NCALD: variants seen among roughly 807,000 people sequenced by gnomAD.
NCALD encodes the protein neurocalcin delta.
NCALD carries 10 observed loss-of-function variants against 18.6 expected under a neutral mutation model. That is an observed-to-expected ratio of 0.54 (90% confidence interval 0.33 to 0.91). The LOEUF (loss-of-function observed/expected upper bound fraction) is 0.91, where lower values mean the gene tolerates loss of function less well. Ranked by LOEUF, NCALD falls within the 40% of genes least tolerant of loss-of-function variation. The pLI is 0.03. For synonymous variants in NCALD, 88 were observed against 87.4 expected (o/e 1.01, Z -0.04); for missense variants, 184 against 247.6 (o/e 0.74, Z 1.72).
chr8:101,794,197 C>T (rs1812549908), upstream of NCALD, among the ~76,000 whole-genome samples: 2 of 152,204 alleles, frequency 1.3e-5, no homozygotes, highest in African/African-American at 4.8e-5. Context: ...TCTTCTTTAT[C>T]TGTCTGACTC....
At chr8:101,742,354 AG>A (rs1462120022) in intron 1 of NCALD, among the ~76,000 whole-genome samples, 4 of 151,756 alleles carry the variant, frequency 2.6e-5, no homozygotes, top group African/African-American at 9.7e-5. Context: ...TAAATTTGCT[AG>A]TTTTCTCTTT....
intron 2 of NCALD, among the ~76,000 whole-genome samples, chr8:101,704,824 G>A (rs891000229): frequency 4.6e-5 from 7 of 151,994 alleles, no homozygotes; most frequent in African/African-American, 1.7e-4. Flanking sequence ...GGAGGCTGAG[G>A]CAGAAGAATA....
chr8:101,932,890 T>C (rs921104340), intron 2 of NCALD, among the ~76,000 whole-genome samples: 2 of 152,246 alleles, frequency 1.3e-5, no homozygotes, highest in African/African-American at 4.8e-5. Flanking sequence ...TTCAGATAAA[T>C]GACTTTAAAG....
chr8:101,972,245 G>A (rs2063260080), intron 2 of NCALD, among the ~76,000 whole-genome samples: 1 of 152,198 alleles, frequency 6.6e-6, no homozygotes, highest in Non-Finnish European at 1.5e-5. Flanking sequence ...GCAGTGAGGA[G>A]ACAGGGCTTT....
intron 1 of NCALD, among the ~76,000 whole-genome samples, chr8:101,738,552 C>CAAAAA (rs34205453): frequency 2.8e-4 from 36 of 127,892 alleles, no homozygotes; most frequent in Non-Finnish European, 3.9e-4. Flanking sequence ...CTCAAAAAAA[C>CAAAAA]AAAAAAAAAA....
chr8:102,122,879 A>C (rs1825982381), intron 1 of NCALD, among the ~76,000 whole-genome samples: 1 of 152,226 alleles, frequency 6.6e-6, no homozygotes, highest in South Asian at 2.1e-4. Context: ...TGAATGGTTG[A>C]GACAGGGGAG....
At chr8:101,927,495 G>A (rs899786904) in intron 2 of NCALD, among the ~76,000 whole-genome samples, 5 of 152,216 alleles carry the variant, frequency 3.3e-5, no homozygotes, top group East Asian at 3.8e-4. Context: ...CAGGAGTGAA[G>A]GGTAAGGAGG....
At chr8:102,118,999 G>A (rs570357952) in intron 1 of NCALD, among the ~76,000 whole-genome samples, 21 of 152,300 alleles carry the variant, frequency 1.4e-4, no homozygotes, top group African/African-American at 3.1e-4. Flanking sequence ...TGGTACCACC[G>A]TGGAAAACAG....
intron 1 of NCALD, among the ~76,000 whole-genome samples, chr8:102,084,533 G>A (rs1824669442): frequency 2.6e-5 from 4 of 152,180 alleles, no homozygotes; most frequent in Admixed American, 2.6e-4. Flanking sequence ...CAGGGTTTAT[G>A]CCCCTTCTCC....
At position 101,843,582 on chromosome 8, in the gene NCALD, G is replaced by GTTTTTTTT. The variant is rs369393213; in HGVS notation, c.-20+43551_-20+43558dup. Among the ~76,000 whole-genome samples, 22 of 125,122 alleles carry GTTTTTTTT rather than the reference G, an allele frequency of 1.8e-4. 1 individual carries two copies. Among genetic ancestry groups the GTTTTTTTT allele is most frequent in the East Asian group, 1.1e-3 (5 of 4,394 alleles). 82.1% of individuals were successfully genotyped at this position (125,122 alleles called of 152,430 possible). A position where few individuals can be genotyped will look rare whatever the true frequency, so the allele number is the denominator to read the frequency against. On this transcript the variant is annotated intron_variant, in intron 4 of 6. Coordinates refer to the NCALD transcript ENST00000311028. Reference sequence around the variant, plus strand: ...TCTGTTCTATGAATCTTTAAAAATTGTTTTTTTTTTTTTTGAGACAGTCTT... The same window carrying GTTTTTTTT: ...TCTGTTCTATGAATCTTTAAAAATTGTTTTTTTTTTTTTTTTTTTTTTGAGACAGTCTT...
At chr8:101,889,089 C>T (rs961871817) in intron 3 of NCALD, among the ~76,000 whole-genome samples, 1 of 152,168 alleles carries the variant, frequency 6.6e-6, no homozygotes, top group Non-Finnish European at 1.5e-5. Context: ...TTTCAAAGGA[C>T]CCTGGCATTC....
At chr8:101,923,764 G>A (rs1818247044) in intron 2 of NCALD, among the ~76,000 whole-genome samples, 1 of 151,446 alleles carries the variant, frequency 6.6e-6, no homozygotes, top group African/African-American at 2.4e-5. Context: ...TTAGTGCTGG[G>A]GTTCTATTTG....
At chr8:101,765,134 A>T (rs1406328041) in intron 1 of NCALD, among the ~76,000 whole-genome samples, 1 of 152,220 alleles carries the variant, frequency 6.6e-6, no homozygotes, top group Non-Finnish European at 1.5e-5. Context: ...TAATACAGTT[A>T]TCCTAATATA....
In NCALD at chr8:101,734,187, A is replaced by G. The variant is rs572990617; in HGVS notation, c.-19-14539T>C. ...CCATCAGATCTGTTCTTCACTCGGCAGCCATTCTCAGGACCTGAAACGCCC... is the reference window on the plus strand; with the variant it reads ...CCATCAGATCTGTTCTTCACTCGGCGGCCATTCTCAGGACCTGAAACGCCC... On this transcript the variant is annotated intron_variant, in intron 1 of 3. Transcript: ENST00000220931. 9.5e-4 allele frequency among the ~76,000 whole-genome samples: 144 copies of G among 152,248 alleles called. 1 individual carries two copies. Among genetic ancestry groups the G allele is most frequent in the Non-Finnish European group, 1.6e-3 (110 of 68,012 alleles).
chr8:101,825,744 A>G (rs775946329), intron 4 of NCALD, among the ~76,000 whole-genome samples: 4 of 151,734 alleles, frequency 2.6e-5, no homozygotes, highest in Non-Finnish European at 5.9e-5. Context: ...TTTTTCTGTA[A>G]AGGGTCAGAT....
At chr8:101,983,081 T>A (rs901202431) in intron 2 of NCALD, among the ~76,000 whole-genome samples, 1 of 152,146 alleles carries the variant, frequency 6.6e-6, no homozygotes, top group African/African-American at 2.4e-5. Flanking sequence ...GGCTACATTC[T>A]ACCAGATACA....
chr8:102,101,126 T>C (rs1338230073), intron 1 of NCALD, among the ~76,000 whole-genome samples: 2 of 152,150 alleles, frequency 1.3e-5, no homozygotes, highest in Non-Finnish European at 1.5e-5. Flanking sequence ...CAGGCAGACA[T>C]ATGGGCACGT....
At chr8:102,014,879 G>T (rs1231220733) in intron 2 of NCALD, among the ~76,000 whole-genome samples, 1 of 152,162 alleles carries the variant, frequency 6.6e-6, no homozygotes, top group Admixed American at 6.5e-5. Flanking sequence ...CGGGGATCTT[G>T]TTCAAATGCA....
chr8:101,966,321 G>A (rs113616771), intron 2 of NCALD, among the ~76,000 whole-genome samples: 3,700 of 152,170 alleles, frequency 0.024, 153 homozygotes, highest in African/African-American at 0.079. Context: ...ATGAGTTCAT[G>A]TCCTTTGTAG....
Sources: gnomAD v4.1 joint callset for allele counts (sites outside exome capture counted in the v4.1 genomes callset) on GRCh38, gnomAD v4.1.1 for gene constraint, MANE v1.5 for transcripts, NCBI Gene and HGNC (gene_info 2026-07-23, HGNC 2026-07-21) for gene names.